MICU3: variants seen among roughly 807,000 people sequenced by gnomAD.
The protein encoded by MICU3 is calcium uptake protein 3, mitochondrial.
In MICU3, 62 loss-of-function variants were observed where a neutral mutation model predicts 66.5. The observed-to-expected ratio is 0.93, with a 90% CI of 0.76 to 1.15. The LOEUF is 1.15. MICU3 is among the 50% of genes most tolerant of loss of function. The pLI, the probability that MICU3 is intolerant of heterozygous loss-of-function variation, is 0.00. For synonymous variants in MICU3, 308 were observed against 240.7 expected, an observed-to-expected ratio of 1.28 and a Z score of -2.59; for missense variants, 779 against 664.4, an observed-to-expected ratio of 1.17 and a Z score of -1.90.
At chr8:17,091,027 G>T (rs1024141943) in intron 8 of MICU3, among the ~76,000 whole-genome samples, 1 of 151,696 alleles carries the variant, frequency 6.6e-6, no homozygotes. Context: ...TTTCACTTTT[G>T]CTCACAATTT....
At chr8:17,095,810 C>G (rs1446678277) in intron 8 of MICU3, among the ~76,000 whole-genome samples, 1 of 151,546 alleles carries the variant, frequency 6.6e-6, no homozygotes, top group Non-Finnish European at 1.5e-5. Flanking sequence ...GCCTTCCTCC[C>G]TTTCAGTCAT....
chr8:17,043,087 C>T (rs1302653013), intron 1 of MICU3, among the ~76,000 whole-genome samples: 1 of 151,328 alleles, frequency 6.6e-6, no homozygotes, highest in African/African-American at 2.4e-5. Flanking sequence ...CTACAGGCGC[C>T]CACCACCACG....
At position 17,027,669 on chromosome 8, in the gene MICU3, G is replaced by GC; in HGVS notation, c.381+10dup. On this transcript the variant is annotated intron_variant, in intron 1 of 14. Transcript: ENST00000318063. Reference sequence around the variant, plus strand: ...CGGCTGCCAAGGAGACGGTGAGTGCGCGAGCGCGCGTCACACCTGCGCGGG... The same window carrying GC: ...CGGCTGCCAAGGAGACGGTGAGTGCGCCGAGCGCGCGTCACACCTGCGCGGG... 2 of 1,288,136 alleles carry GC rather than the reference G, an allele frequency of 1.6e-6. No individual in the cohort carries two copies. The highest frequency in any genetic ancestry group is 2.0e-6 in the Non-Finnish European group (2 of 1,020,530). The allele number at this position is 1,288,136 out of a possible 1,614,324, so 79.8% of individuals were successfully genotyped here. A position where few individuals can be genotyped will look rare whatever the true frequency, so the allele number is the denominator to read the frequency against.
chr8:17,122,663 T>C (rs182244489), downstream of MICU3: 1 of 152,114 alleles, frequency 6.6e-6, no homozygotes, highest in Admixed American at 6.5e-5. Flanking sequence ...GGCTTTTATA[T>C]GTATCTGTGG....
intron 2 of MICU3, among the ~76,000 whole-genome samples, chr8:17,068,710 A>G (rs1056442988): frequency 5.3e-5 from 8 of 152,170 alleles, no homozygotes; most frequent in African/African-American, 1.9e-4. Context: ...TTTTAAATTG[A>G]GTTGTTTTGT....
downstream of MICU3, among the ~76,000 whole-genome samples, chr8:17,125,125 A>T (rs189341675): frequency 1.4e-5 from 1 of 69,940 alleles, no homozygotes; most frequent in Non-Finnish European, 2.7e-5. Flanking sequence ...TGAATCTCCT[A>T]TGAGTATAGC....
At chr8:17,041,160 A>G (rs1489372116) in intron 1 of MICU3, among the ~76,000 whole-genome samples, 1 of 152,142 alleles carries the variant, frequency 6.6e-6, no homozygotes, top group Non-Finnish European at 1.5e-5. Context: ...GAATATGTAG[A>G]ATGAGAAGAG....
At chr8:17,061,984 G>A (rs1246995651) in intron 1 of MICU3, among the ~76,000 whole-genome samples, 1 of 152,122 alleles carries the variant, frequency 6.6e-6, no homozygotes, top group African/African-American at 2.4e-5. Context: ...GTACCAGGTT[G>A]CTTTATGTTT....
intron 1 of MICU3, among the ~76,000 whole-genome samples, chr8:17,029,108 C>T (rs1811558382): frequency 6.6e-6 from 1 of 152,122 alleles, no homozygotes; most frequent in Non-Finnish European, 1.5e-5. Flanking sequence ...TAATAGTCTC[C>T]TGGGGTGTTA....
At chr8:17,067,174 A>G (rs1335274226) in intron 2 of MICU3, among the ~76,000 whole-genome samples, 1 of 152,334 alleles carries the variant, frequency 6.6e-6, no homozygotes, top group Middle Eastern at 3.4e-3. Context: ...GAATAGAACA[A>G]TGTTTCATGT....
chr8:17,075,473 G>C lies in MICU3; in HGVS notation c.568-2310G>C, dbSNP rs188049425. Among the ~76,000 whole-genome samples, 28 of 152,216 alleles carry C rather than the reference G, an allele frequency of 1.8e-4. No individual in the cohort carries two copies. The East Asian group carries it at 5.0e-3, about 27-fold the overall frequency. ...CCAAGGATTTAGAGTCTGCTTCCTA[G>C]GACCCAGGGACAAAGGCCAAATTCT... is the stretch of plus-strand genomic sequence containing the variant. On this transcript the variant is annotated intron_variant, in intron 3 of 14. Coordinates refer to ENST00000318063, the MANE Select transcript of MICU3 (RefSeq NM_181723.3).
intron 8 of MICU3, among the ~76,000 whole-genome samples, chr8:17,091,597 T>C (rs1270281943): frequency 6.6e-6 from 1 of 151,986 alleles, no homozygotes; most frequent in African/African-American, 2.4e-5. Context: ...ACCTAAGATA[T>C]TTTTCCTCAT....
chr8:17,040,413 T>G (rs1379757823), intron 1 of MICU3, among the ~76,000 whole-genome samples: 1 of 152,208 alleles, frequency 6.6e-6, no homozygotes, highest in East Asian at 1.9e-4. Context: ...CAGAATCATT[T>G]CATTCATGCA....
At chr8:17,043,436 TC>T (rs1814548497) in intron 1 of MICU3, among the ~76,000 whole-genome samples, 1 of 152,216 alleles carries the variant, frequency 6.6e-6, no homozygotes, top group Admixed American at 6.5e-5. Context: ...ACATACATTG[TC>T]CCCAGGATAT....
At chr8:17,069,832 AT>A (rs1244417651) in intron 3 of MICU3, 113 bp downstream of exon 3, 4 of 338,886 alleles carry the variant, frequency 1.2e-5, no homozygotes, top group Non-Finnish European at 1.9e-5. Context: ...ATATTTTATG[AT>A]TTTTTGGCAA....
At chr8:17,124,394 C>T (rs1019639690), downstream of MICU3, among the ~76,000 whole-genome samples, 4 of 152,002 alleles carry the variant, frequency 2.6e-5, no homozygotes, top group African/African-American at 9.7e-5. Flanking sequence ...TAACTTCTCC[C>T]AGACTGGTGA....
chr8:17,062,877 T>TAA (rs748885756), intron 1 of MICU3, among the ~76,000 whole-genome samples: 3 of 134,726 alleles, frequency 2.2e-5, no homozygotes, highest in African/African-American at 8.2e-5. Context: ...AGACTCTGTC[T>TAA]AAAAAAAAAA....
chr8:17,052,340 A>G (rs1224067773), intron 1 of MICU3, among the ~76,000 whole-genome samples: 2 of 152,174 alleles, frequency 1.3e-5, no homozygotes, highest in East Asian at 3.8e-4. Context: ...AACATTTATC[A>G]TTTCTTTGTG....
At chr8:17,086,237 T>G (rs1482097315) in intron 6 of MICU3, among the ~76,000 whole-genome samples, 1 of 152,136 alleles carries the variant, frequency 6.6e-6, no homozygotes, top group Non-Finnish European at 1.5e-5. Context: ...TCATATTTAC[T>G]TCAGAAGCTG....
Sources: gnomAD v4.1 joint callset for allele counts (sites outside exome capture counted in the v4.1 genomes callset) on GRCh38, gnomAD v4.1.1 for gene constraint, MANE v1.5 for transcripts, NCBI Gene and HGNC (gene_info 2026-07-23, HGNC 2026-07-21) for gene names.